The following CNGA3 variants were observed in gnomAD, a reference collection of about 807,000 sequenced individuals.
CNGA3 encodes the protein cyclic nucleotide gated channel subunit alpha 3.
A neutral mutation model predicts 46.6 loss-of-function variants in CNGA3; 42 were observed. That is an observed-to-expected ratio of 0.90 (90% CI 0.70 to 1.17). The LOEUF (loss-of-function observed/expected upper bound fraction) is 1.17. CNGA3 is among the 50% of genes most tolerant of loss of function. The pLI is 0.00. For synonymous variants in CNGA3, 394 were observed against 369.4 expected (o/e 1.07, Z -0.76); for missense variants, 893 against 890.7 (o/e 1.00, Z -0.03).
Position 98,396,678 on chromosome 2 carries a change from T to A in CNGA3, c.1508T>A (p.Phe503Tyr), listed in dbSNP as rs201193127. 6.2e-7 allele frequency: 1 copy of A among 1,614,152 alleles called. No individual in the cohort carries two copies. Among genetic ancestry groups the A allele is most frequent in the Admixed American group, 1.7e-5 (1 of 60,018 alleles). The change falls in exon 8 of 8, where the codon TTC becomes TAC. Residue 503 changes from phenylalanine to tyrosine, a missense_variant. By Grantham distance (22) the Phe-to-Tyr change is conservative. This residue lies in a region of CNGA3 where 548 missense variants were observed against 570.8 expected (regional missense o/e 0.96). Coordinates refer to ENST00000272602, the MANE Select transcript of CNGA3 (RefSeq NM_001298.3). ...GTGCTGAAGCTGCGACCCACTGTGT[T>A]CAGCCCTGGGGATTATATCTGCAAG... ...ELVLKLRPTVFSPGDYICKKG... is the reference protein window; with the variant it reads ...ELVLKLRPTVYSPGDYICKKG...
chr2:98,360,571 T>C (rs932457477), intron 1 of CNGA3, among the ~76,000 whole-genome samples: 3 of 152,228 alleles, frequency 2.0e-5, no homozygotes, highest in African/African-American at 7.2e-5. Flanking sequence ...GCTTCTAGCA[T>C]ATTGCCTGGC....
intron 1 of CNGA3, among the ~76,000 whole-genome samples, chr2:98,362,896 T>G (rs941946649): frequency 1.2e-4 from 18 of 152,216 alleles, no homozygotes; most frequent in African/African-American, 3.9e-4. Flanking sequence ...CAGCACCATT[T>G]ATTAAATAGG....
intron 4 of CNGA3, among the ~76,000 whole-genome samples, chr2:98,382,452 GGA>G (rs1341990948): frequency 1.3e-5 from 2 of 152,180 alleles, no homozygotes; most frequent in African/African-American, 2.4e-5. Context: ...TATCTTAGAC[GGA>G]GAGAGGGAGA....
Position 98,395,870 on chromosome 2 carries a change from A to G in CNGA3, c.700A>G (p.Ser234Gly). The G allele has an allele frequency of 6.2e-7, 1 of 1,614,212 alleles. No homozygotes were observed. Among genetic ancestry groups the G allele is most frequent in the Non-Finnish European group, 8.5e-7 (1 of 1,180,038 alleles). ...TGFLEQGLMV[S>G]DTNRLWQHYK... ...TTTTCTCGAGCAAGGCTTAATGGTC[A>G]GTGATACCAACAGGCTGTGGCAGCA... The change falls in exon 8 of 8, where the codon AGT becomes GGT. Residue 234 changes from serine (S) to glycine (G), a missense_variant. Coordinates refer to ENST00000272602, the MANE Select transcript of CNGA3 (RefSeq NM_001298.3).
At chr2:98,369,870 C>T in intron 1 of CNGA3, 69 bp from the exon 2 acceptor site, 1 of 1,004,676 alleles carries the variant, frequency 1.0e-6, no homozygotes. Flanking sequence ...TAGCCCTTGC[C>T]CTTGATGAGC....
Position 98,397,261 on chromosome 2 carries a change from C to T in CNGA3, c.*6C>T, listed in dbSNP as rs1174101011. The T allele has an allele frequency of 1.2e-6, 2 of 1,612,978 alleles. No homozygotes were observed. Among genetic ancestry groups the T allele is most frequent in the African/African-American group, 1.3e-5 (1 of 74,932 alleles). ...CAGAGGACAAACAACAGTGAAAATG[C>T]AGCATCTGTCTCCTGCTTCACAGGG... On this transcript the variant is annotated 3_prime_UTR_variant, in exon 8 of 8. Transcript: ENST00000272602.
chr2:98,360,647 A>G (rs12464558), intron 1 of CNGA3, among the ~76,000 whole-genome samples: 34,081 of 152,172 alleles, frequency 0.22, 4,335 homozygotes, highest in Admixed American at 0.36. Context: ...TTGCTTTTTT[A>G]TCTAAAAACA....
At chr2:98,357,649 G>A (rs1002427819) in intron 1 of CNGA3, among the ~76,000 whole-genome samples, 1 of 152,134 alleles carries the variant, frequency 6.6e-6, no homozygotes, top group Non-Finnish European at 1.5e-5. Context: ...AGTCAGTAAG[G>A]GGGCTGGTGG....
At chr2:98,365,337 A>G in intron 1 of CNGA3, among the ~76,000 whole-genome samples, 1 of 151,952 alleles carries the variant, frequency 6.6e-6, no homozygotes, top group East Asian at 1.9e-4. Context: ...TGCCCTTAAC[A>G]TTTTTTCCTT....
At chr2:98,357,218 G>A (rs556838190) in intron 1 of CNGA3, among the ~76,000 whole-genome samples, 1 of 152,202 alleles carries the variant, frequency 6.6e-6, no homozygotes, top group Non-Finnish European at 1.5e-5. Context: ...ACAGTGAGCT[G>A]CGTTAAATGC....
chr2:98,365,328 G>A (rs193284743), intron 1 of CNGA3, among the ~76,000 whole-genome samples: 55 of 152,292 alleles, frequency 3.6e-4, no homozygotes, highest in African/African-American at 1.2e-3. Context: ...TGTAATCCCT[G>A]CCCTTAACAT....
At chr2:98,378,066 G>A in intron 3 of CNGA3, 1 of 1,550,686 alleles carries the variant, frequency 6.4e-7, no homozygotes, top group Non-Finnish European at 8.7e-7. Context: ...AGGTTTGGAA[G>A]AATTCAGAAA....
chr2:98,350,412 GA>G (rs200382049), intron 1 of CNGA3, among the ~76,000 whole-genome samples: 3 of 151,828 alleles, frequency 2.0e-5, no homozygotes, highest in South Asian at 2.1e-4. Flanking sequence ...AGTTAATTAA[GA>G]AAAAAAACAC....
rs1692902282 is a variant in CNGA3 at position 98,395,989 on chromosome 2, G to A, written c.819G>A (p.Val273=). 1 of 1,614,214 alleles carries A rather than the reference G, an allele frequency of 6.2e-7. No homozygotes were observed. The stretch of plus-strand genomic sequence containing the variant: ...AGGTGGGCACAAACTACCCAGAAGT[G>A]AGGTTCAACCGCCTACTGAAGTTTT... ...YLKVGTNYPE[V]RFNRLLKFSR... is the part of the protein sequence containing the mutation. The change falls in exon 8 of 8, where the codon GTG becomes GTA. Residue 273 remains valine, a synonymous_variant. Transcript: ENST00000272602.
chr2:98,382,814 T>A (rs1256661261), intron 4 of CNGA3, among the ~76,000 whole-genome samples: 2 of 152,140 alleles, frequency 1.3e-5, no homozygotes, highest in Non-Finnish European at 1.5e-5. Flanking sequence ...GTCGTAAAAT[T>A]TGGGGAGATA....
chr2:98,377,205 C>T (rs780361890), intron 2 of CNGA3: 1 of 175,074 alleles, frequency 5.7e-6, no homozygotes, highest in Non-Finnish European at 1.2e-5. Flanking sequence ...CAAACAGCTG[C>T]CCAGGCAGTG....
chr2:98,378,708 G>C (rs1386939843), intron 3 of CNGA3, among the ~76,000 whole-genome samples: 1 of 152,224 alleles, frequency 6.6e-6, no homozygotes. Context: ...GATAAAGGAA[G>C]AAAGAGAACA....
chr2:98,348,427 C>T, intron 1 of CNGA3, among the ~76,000 whole-genome samples: 1 of 152,238 alleles, frequency 6.6e-6, no homozygotes, highest in East Asian at 1.9e-4. Flanking sequence ...GACCAGTCTC[C>T]AGTCGCCATG....
At chr2:98,374,351 AG>A (rs1383679895) in intron 2 of CNGA3, among the ~76,000 whole-genome samples, 1 of 152,170 alleles carries the variant, frequency 6.6e-6, no homozygotes, top group East Asian at 1.9e-4. Flanking sequence ...TACCAACATC[AG>A]GGGGGCCTCT....
Sources: allele counts gnomAD v4.1 joint callset (sites outside exome capture counted in the v4.1 genomes callset), GRCh38; gene constraint gnomAD v4.1.1; regional missense constraint gnomAD v4.1.1; transcripts MANE v1.5; gene names NCBI Gene and HGNC (gene_info 2026-07-23, HGNC 2026-07-21).